Variants in RBFOX1 observed in about 807,000 individuals in gnomAD.
RBFOX1 encodes the protein RNA binding fox-1 homolog 1.
A neutral mutation model predicts 57.7 loss-of-function variants in RBFOX1; 8 were observed. The observed-to-expected ratio is 0.14, with a 90% CI of 0.08 to 0.25. The LOEUF is 0.25. Ranked by LOEUF, RBFOX1 falls within the 10% of genes least tolerant of loss-of-function variation. RBFOX1 has a pLI of 1.00. For missense variants in RBFOX1, 611 were observed against 548.5 expected, an observed-to-expected ratio of 1.11 and a Z score of -1.14; for synonymous variants, 326 against 222.4, an observed-to-expected ratio of 1.47 and a Z score of -4.15.
At chr16:7,647,094 C>T (rs144598083) in intron 11 of RBFOX1, among the ~76,000 whole-genome samples, 7 of 152,168 alleles carry the variant, frequency 4.6e-5, no homozygotes, top group Admixed American at 6.5e-5. Context: ...CCTCTTGTTA[C>T]ATCCCTAAAG....
chr16:6,189,427 T>C (rs1440006229), intron 1 of RBFOX1, among the ~76,000 whole-genome samples: 1 of 152,202 alleles, frequency 6.6e-6, no homozygotes, highest in Non-Finnish European at 1.5e-5. Flanking sequence ...AGTCGCTTGC[T>C]GCAACAGTGA....
At chr16:6,878,269 A>G (rs2062214142) in intron 3 of RBFOX1, among the ~76,000 whole-genome samples, 1 of 152,174 alleles carries the variant, frequency 6.6e-6, no homozygotes. Context: ...TTGTGATTTG[A>G]GTGAGGCCAT....
chr16:6,614,867 T>C (rs1476927970), intron 2 of RBFOX1, among the ~76,000 whole-genome samples: 1 of 152,198 alleles, frequency 6.6e-6, no homozygotes, highest in Non-Finnish European at 1.5e-5. Context: ...ATTAATAAAG[T>C]GACTCTGTGT....
chr16:5,929,175 G>T (rs1001574630), intron 4 of RBFOX1, among the ~76,000 whole-genome samples: 1 of 152,118 alleles, frequency 6.6e-6, no homozygotes, highest in African/African-American at 2.4e-5. Context: ...GGACAGGGAA[G>T]GGGCATTACC....
chr16:7,602,746 A>T lies in RBFOX1; in HGVS notation c.623-4539A>T, dbSNP rs570212432. On this transcript the variant is annotated intron_variant, in intron 9 of 15. Transcript: ENST00000550418. ...TCTAGACCAAATGGACATAACAGACATTTACAGAATACCTTTTCCAACAGC... is the reference window on the plus strand; with the variant it reads ...TCTAGACCAAATGGACATAACAGACTTTTACAGAATACCTTTTCCAACAGC... Among the ~76,000 whole-genome samples the T allele has an allele frequency of 2.6e-5, 4 of 152,320 alleles. No individual in the cohort carries two copies. The East Asian group carries it at 7.7e-4, about 29-fold the overall frequency.
chr16:6,547,072 A>G (rs1033550710), intron 2 of RBFOX1, among the ~76,000 whole-genome samples: 1 of 152,242 alleles, frequency 6.6e-6, no homozygotes, highest in South Asian at 2.1e-4. Flanking sequence ...CTGCTGAAGC[A>G]GAAATGTGTT....
At chr16:6,494,868 C>T (rs1024493655) in intron 2 of RBFOX1, among the ~76,000 whole-genome samples, 2 of 152,140 alleles carry the variant, frequency 1.3e-5, no homozygotes, top group Admixed American at 1.3e-4. Flanking sequence ...AGAGAATAGC[C>T]AGCATTTATG....
At chr16:5,883,412 C>T (rs1395361334) in intron 4 of RBFOX1, among the ~76,000 whole-genome samples, 3 of 152,028 alleles carry the variant, frequency 2.0e-5, no homozygotes. Flanking sequence ...AAGTATGAAA[C>T]AAAGCTACTT....
At chr16:6,730,299 G>C (rs941508781) in intron 3 of RBFOX1, among the ~76,000 whole-genome samples, 3 of 152,100 alleles carry the variant, frequency 2.0e-5, no homozygotes, top group Admixed American at 6.6e-5. Context: ...GCAATGGTGA[G>C]AATCCCTTGA....
chr16:6,556,775 T>C (rs2097103692), intron 2 of RBFOX1, among the ~76,000 whole-genome samples: 1 of 152,018 alleles, frequency 6.6e-6, no homozygotes, highest in Non-Finnish European at 1.5e-5. Flanking sequence ...ATAGTAAATT[T>C]CTTATGACTT....
At chr16:6,326,572 T>C (rs1332351351) in intron 2 of RBFOX1, among the ~76,000 whole-genome samples, 1 of 152,260 alleles carries the variant, frequency 6.6e-6, no homozygotes, top group Non-Finnish European at 1.5e-5. Flanking sequence ...CCTCTCAGGG[T>C]TGTTTCGTCT....
intron 4 of RBFOX1, chr16:7,304,632 C>A (rs2096128065): frequency 2.1e-6 from 2 of 971,316 alleles, no homozygotes; most frequent in Non-Finnish European, 2.4e-6. Flanking sequence ...TGGAAGCCTC[C>A]TGCTCTCTGT....
chr16:6,958,445 C>T (rs926625077), intron 3 of RBFOX1, among the ~76,000 whole-genome samples: 1 of 152,136 alleles, frequency 6.6e-6, no homozygotes, highest in African/African-American at 2.4e-5. Flanking sequence ...GGGCAAGGAC[C>T]TTCTCGCAAT....
chr16:6,733,636 T>C (rs1051434719), intron 3 of RBFOX1, among the ~76,000 whole-genome samples: 3 of 152,102 alleles, frequency 2.0e-5, no homozygotes, highest in Non-Finnish European at 1.5e-5. Context: ...TGTGCACCTG[T>C]AGTCCCAGCT....
chr16:6,404,391 A>C (rs1448349049), intron 2 of RBFOX1, among the ~76,000 whole-genome samples: 1 of 152,102 alleles, frequency 6.6e-6, no homozygotes, highest in Non-Finnish European at 1.5e-5. Flanking sequence ...GTGGCTACTG[A>C]GGGACCACTG....
At chr16:6,093,043 A>T (rs1463344748) in intron 1 of RBFOX1, 1 of 152,204 alleles carries the variant, frequency 6.6e-6, no homozygotes, top group African/African-American at 2.4e-5. Context: ...ACAAACCTGC[A>T]CATGTACCAC....
chr16:5,908,427 A>G (rs1349928733), intron 4 of RBFOX1, among the ~76,000 whole-genome samples: 1 of 151,406 alleles, frequency 6.6e-6, no homozygotes, highest in East Asian at 1.9e-4. Flanking sequence ...ATCTTGGCTC[A>G]CTACATCCTC....
At chr16:7,705,855 G>C (rs774177770) in intron 14 of RBFOX1, among the ~76,000 whole-genome samples, 1 of 152,182 alleles carries the variant, frequency 6.6e-6, no homozygotes, top group South Asian at 2.1e-4. Flanking sequence ...ACACATTGAA[G>C]ATTTCTTCCG....
At chr16:6,538,552 A>G (rs567056653) in intron 2 of RBFOX1, among the ~76,000 whole-genome samples, 16 of 152,326 alleles carry the variant, frequency 1.1e-4, no homozygotes, top group African/African-American at 3.1e-4. Flanking sequence ...CACACCCACT[A>G]GGATGACAAG....
Sources: gnomAD v4.1 joint callset for allele counts (sites outside exome capture counted in the v4.1 genomes callset) on GRCh38, gnomAD v4.1.1 for gene constraint, MANE v1.5 for transcripts, NCBI Gene and HGNC (gene_info 2026-07-23, HGNC 2026-07-21) for gene names.